CFAP52: variants seen among roughly 807,000 people sequenced by gnomAD.
CFAP52 encodes the protein cilia- and flagella-associated protein 52.
In CFAP52, 57 loss-of-function variants were observed where a neutral mutation model predicts 70.5. The ratio of observed to expected loss-of-function variants is 0.81; its 90% CI spans 0.65 to 1.01. CFAP52 has a LOEUF of 1.01. Among genes scored for constraint, CFAP52 ranks in the 50% least tolerant of loss-of-function variants. CFAP52 has a pLI of 0.00. For synonymous variants in CFAP52, 267 were observed against 292.5 expected (o/e 0.91, Z 0.89); for missense variants, 785 against 788.5 (o/e 1.00, Z 0.05).
Position 9,634,031 on chromosome 17 carries a change from A to G in CFAP52, c.1320+998A>G, listed in dbSNP as rs535034738. On this transcript the variant is annotated intron_variant, in intron 10 of 13. Coordinates refer to ENST00000352665, the MANE Select transcript of CFAP52 (RefSeq NM_145054.5). ...GGTTTTAGCATCAATTATTAAATAC[A>G]CCCAGACGTTTTGACCATTATTTTT... Among the ~76,000 whole-genome samples, 82 of 152,204 alleles carry G rather than the reference A, an allele frequency of 5.4e-4. 1 individual carries two copies. The highest frequency in any genetic ancestry group is 3.4e-3 in the Middle Eastern group (1 of 294).
At chr17:9,596,057 GTGTATATATATATATATATA>G (rs1193418610) in intron 4 of CFAP52, among the ~76,000 whole-genome samples, 2 of 103,592 alleles carry the variant, frequency 1.9e-5, no homozygotes, top group African/African-American at 4.1e-5. Context: ...ATATATGTGT[GTGTATATATATATATATATA>G]TATATATATA....
At chr17:9,582,962 C>G (rs1055074734) in intron 1 of CFAP52, among the ~76,000 whole-genome samples, 1 of 152,136 alleles carries the variant, frequency 6.6e-6, no homozygotes, top group Non-Finnish European at 1.5e-5. Flanking sequence ...TTTCACATAA[C>G]TGGGTAAATA....
chr17:9,641,389 C>A (rs535046053), intron 12 of CFAP52, among the ~76,000 whole-genome samples: 1 of 152,140 alleles, frequency 6.6e-6, no homozygotes, highest in Non-Finnish European at 1.5e-5. Context: ...TCCCTCCAGG[C>A]CTGAAGCTTA....
chr17:9,625,562 A>C (rs1910204717), intron 8 of CFAP52, among the ~76,000 whole-genome samples: 1 of 150,706 alleles, frequency 6.6e-6, no homozygotes, highest in Non-Finnish European at 1.5e-5. Flanking sequence ...CTAGCCCTCA[A>C]CTCTGATCTC....
chr17:9,612,798 T>C (rs1418344519), intron 8 of CFAP52, among the ~76,000 whole-genome samples: 6 of 149,328 alleles, frequency 4.0e-5, no homozygotes, highest in African/African-American at 1.0e-4. Flanking sequence ...CCCTGACTTA[T>C]GATTTTTTTT....
rs375629381 is a variant in CFAP52 at position 9,629,496 on chromosome 17, T to TTTCTTTCTTTC, written c.1174+678_1174+679insCTTTCTTTCTT. Among the ~76,000 whole-genome samples, 631 of 146,434 alleles carry TTTCTTTCTTTC rather than the reference T, an allele frequency of 4.3e-3. 3 individuals carry two copies. Among genetic ancestry groups the TTTCTTTCTTTC allele is most frequent in the African/African-American group, 0.014 (534 of 39,224 alleles). On this transcript the variant is annotated intron_variant, in intron 9 of 13. Coordinates refer to ENST00000352665, the MANE Select transcript of CFAP52 (RefSeq NM_145054.5). ...TTCCCTTTCTTTCTTTCTTTCTTTCTTTTCTTTTCTTTCTTTCTTTCTTCT... is the reference window on the plus strand; with the variant it reads ...TTCCCTTTCTTTCTTTCTTTCTTTCTTTCTTTCTTTCTTTCTTTTCTTTCTTTCTTTCTTCT...
chr17:9,603,373 TA>T (rs1909354570), intron 6 of CFAP52, among the ~76,000 whole-genome samples: 1 of 152,168 alleles, frequency 6.6e-6, no homozygotes, highest in South Asian at 2.1e-4. Flanking sequence ...CATGCCCAGC[TA>T]ACTTTTTTGT....
Position 9,584,515 on chromosome 17 carries a change from C to T in CFAP52, c.71-1258C>T, listed in dbSNP as rs1275230412. ...CATATACATTGTGAAATGATGTCTA[C>T]GATCAAACTAATTAACATATTCACT... On this transcript the variant is annotated intron_variant, in intron 1 of 13. Coordinates refer to ENST00000352665, the MANE Select transcript of CFAP52 (RefSeq NM_145054.5). 15 of 393,582 alleles carry T rather than the reference C, an allele frequency of 3.8e-5. No homozygotes were observed. In the South Asian group the frequency reaches 4.4e-4, roughly 12 times the overall value. The allele number at this position is 393,582 out of a possible 1,614,324, so 24.4% of individuals were successfully genotyped here.
chr17:9,628,565 C>A, intron 8 of CFAP52, 107 bp from the exon 9 acceptor site: 3 of 1,452,274 alleles, frequency 2.1e-6, no homozygotes, highest in Non-Finnish European at 2.8e-6. Context: ...GTTTGAGCCA[C>A]CGCGCCCAGC....
At chr17:9,636,746 A>G (rs550464961) in intron 11 of CFAP52, among the ~76,000 whole-genome samples, 23 of 152,216 alleles carry the variant, frequency 1.5e-4, no homozygotes, top group African/African-American at 5.3e-4. Flanking sequence ...TACTTAATAC[A>G]TTAAAAAACA....
At chr17:9,631,052 G>GAGAGAGAGAGAGAGAGAGAGAGAAAGAA (rs370935367) in intron 9 of CFAP52, among the ~76,000 whole-genome samples, 7 of 37,954 alleles carry the variant, frequency 1.8e-4, no homozygotes, top group Admixed American at 1.4e-3. Context: ...GAGAGAGAGA[G>GAGAGAGAGAGAGAGAGAGAGAGAAAGAA]AGAAAGAAAG....
chr17:9,635,295 T>C (rs1223258544), intron 10 of CFAP52, 110 bp from the exon 11 acceptor site: 1 of 1,476,464 alleles, frequency 6.8e-7, no homozygotes, highest in Non-Finnish European at 9.1e-7. Context: ...GACAGGGAAT[T>C]AAAAAAACAC....
chr17:9,579,694 A>G (rs1908126061), intron 1 of CFAP52, among the ~76,000 whole-genome samples: 1 of 152,228 alleles, frequency 6.6e-6, no homozygotes, highest in East Asian at 1.9e-4. Context: ...CAGCCTCCCA[A>G]GTAGCTGGGA....
At chr17:9,634,538 C>G in intron 10 of CFAP52, among the ~76,000 whole-genome samples, 1 of 150,608 alleles carries the variant, frequency 6.6e-6, no homozygotes, top group South Asian at 2.1e-4. Flanking sequence ...TGAGCCGAGA[C>G]CACGCCATTG....
At chr17:9,638,762 G>A in intron 12 of CFAP52, 51 bp downstream of exon 12, 2 of 1,579,804 alleles carry the variant, frequency 1.3e-6, no homozygotes. Flanking sequence ...GAGAAAAGCA[G>A]TGAGGCGTTG....
intron 6 of CFAP52, among the ~76,000 whole-genome samples, chr17:9,605,654 C>A (rs1256451437): frequency 2.2e-5 from 3 of 138,530 alleles, no homozygotes; most frequent in African/African-American, 8.0e-5. Flanking sequence ...CGAGATCGCG[C>A]CCCTGCACTT....
At chr17:9,640,442 G>A (rs531286756) in intron 12 of CFAP52, among the ~76,000 whole-genome samples, 5 of 123,634 alleles carry the variant, frequency 4.0e-5, no homozygotes, top group African/African-American at 1.5e-4. Flanking sequence ...GTTTCCCCAC[G>A]TGTCCATCTC....
rs1910613786 is a variant in CFAP52, at chr17:9,632,889, A to G, written c.1176A>G (p.Ala392=). The change falls in exon 10 of 14, where the codon GCA becomes GCG. Residue 392 remains alanine (A), a splice_region_variant and synonymous_variant. Transcript: ENST00000352665. ...CCTTTTGTTTCCCTTTCATGCCAGC[A>G]TGGAACGACGGTAAAATCCGAGCCT... ...FMRDGKSIIS[A]WNDGKIRAFA... 6.2e-7 allele frequency: 1 copy of G among 1,614,026 alleles called. No individual in the cohort carries two copies. The highest frequency in any genetic ancestry group is 1.3e-5 in the African/African-American group (1 of 75,064).
intron 8 of CFAP52, among the ~76,000 whole-genome samples, chr17:9,626,643 C>G (rs537442885): frequency 6.6e-6 from 1 of 152,312 alleles, no homozygotes; most frequent in African/African-American, 2.4e-5. Flanking sequence ...TCACCAAAGG[C>G]ATTATCTAAT....
Sources: allele counts gnomAD v4.1 joint callset (sites outside exome capture counted in the v4.1 genomes callset), GRCh38; gene constraint gnomAD v4.1.1; transcripts MANE v1.5; gene names NCBI Gene and HGNC (gene_info 2026-07-23, HGNC 2026-07-21).